Variants in CALD1 observed in about 807,000 individuals in gnomAD.
The protein encoded by CALD1 is caldesmon.
In CALD1, 33 loss-of-function variants were observed where a neutral mutation model predicts 99.9. That is an observed-to-expected ratio of 0.33 (90% confidence interval 0.25 to 0.44). The LOEUF is 0.44. CALD1 is among the 20% of genes least tolerant of loss of function. CALD1 has a pLI of 1.00. For missense variants in CALD1, 861 were observed against 962.1 expected (o/e 0.89, Z 1.39); for synonymous variants, 310 against 325.0 (o/e 0.95, Z 0.50).
At chr7:134,900,729 A>G (rs1469521349) in intron 3 of CALD1, among the ~76,000 whole-genome samples, 1 of 152,124 alleles carries the variant, frequency 6.6e-6, no homozygotes, top group African/African-American at 2.4e-5. Flanking sequence ...TCTGTCTTAT[A>G]GGTGAAAATG....
intron 3 of CALD1, among the ~76,000 whole-genome samples, chr7:134,872,348 A>C (rs62479550): frequency 0.34 from 44,740 of 131,746 alleles, 7,724 homozygotes; most frequent in African/African-American, 0.53. Context: ...ACGGAGTGAG[A>C]CTCGGTCTCA....
the CALD1 span, among the ~76,000 whole-genome samples, chr7:134,735,563 C>CTGTGTGTG: frequency 3.9e-3 from 536 of 138,226 alleles, 1 homozygote; most frequent in East Asian, 0.015. Context: ...CCCCACTACC[C>CTGTGTGTG]TCTGTGTGTG....
chr7:134,835,712 G>A (rs1220643169), intron 1 of CALD1, among the ~76,000 whole-genome samples: 3 of 152,038 alleles, frequency 2.0e-5, no homozygotes, highest in Admixed American at 6.5e-5. Flanking sequence ...TGTGAATATC[G>A]AAAATTTCTA....
intron 3 of CALD1, among the ~76,000 whole-genome samples, chr7:134,908,926 A>C (rs1803594772): frequency 6.6e-6 from 1 of 152,124 alleles, no homozygotes; most frequent in African/African-American, 2.4e-5. Context: ...ACCAAAATCA[A>C]CTTCTAGACA....
intron 1 of CALD1, among the ~76,000 whole-genome samples, chr7:134,753,141 C>A (rs62462515): frequency 0.13 from 19,262 of 151,650 alleles, 1,511 homozygotes; most frequent in Non-Finnish European, 0.17. Context: ...ATCTGCTGGG[C>A]CTTGGGGTGG....
chr7:134,830,913 A>T (rs1242316038), intron 1 of CALD1, among the ~76,000 whole-genome samples: 1 of 152,236 alleles, frequency 6.6e-6, no homozygotes, highest in African/African-American at 2.4e-5. Flanking sequence ...GAGTTCACAG[A>T]AAGAAAATTA....
At chr7:134,774,069 G>T (rs1435384625) in intron 1 of CALD1, among the ~76,000 whole-genome samples, 1 of 151,862 alleles carries the variant, frequency 6.6e-6, no homozygotes, top group African/African-American at 2.4e-5. Flanking sequence ...ACTTGGGAGG[G>T]TGAGGCAGGA....
chr7:134,714,348 C>A, the CALD1 span, among the ~76,000 whole-genome samples: 1 of 152,186 alleles, frequency 6.6e-6, no homozygotes, highest in African/African-American at 2.4e-5. Flanking sequence ...GTAGATAGAT[C>A]CCATGCTCCT....
intron 13 of CALD1, among the ~76,000 whole-genome samples, chr7:134,963,418 A>G (rs939954368): frequency 6.6e-6 from 1 of 152,176 alleles, no homozygotes; most frequent in Non-Finnish European, 1.5e-5. Context: ...TTAACTGTGC[A>G]TTTTCAGTGT....
At chr7:134,778,999 G>A (rs1020258205), upstream of CALD1, among the ~76,000 whole-genome samples, 7 of 152,298 alleles carry the variant, frequency 4.6e-5, no homozygotes, top group Middle Eastern at 3.4e-3. Context: ...ACATGCAGAC[G>A]TATTTTGGGG....
chr7:134,940,598 C>T (rs892571948), intron 6 of CALD1, among the ~76,000 whole-genome samples: 15 of 152,316 alleles, frequency 9.8e-5, no homozygotes, highest in African/African-American at 2.2e-4. Context: ...TACTGGTCTT[C>T]GCCAGAGTTG....
At chr7:134,801,014 T>A (rs972045813) in intron 1 of CALD1, among the ~76,000 whole-genome samples, 10 of 152,104 alleles carry the variant, frequency 6.6e-5, no homozygotes, top group African/African-American at 2.2e-4. Context: ...CTACCCTATA[T>A]TTTCTGATTT....
At chr7:134,798,868 G>A (rs1797844463) in intron 1 of CALD1, among the ~76,000 whole-genome samples, 1 of 152,164 alleles carries the variant, frequency 6.6e-6, no homozygotes, top group African/African-American at 2.4e-5. Flanking sequence ...GGCACCTTAT[G>A]GTGGAAAGGC....
At chr7:134,912,464 G>GA in intron 3 of CALD1, among the ~76,000 whole-genome samples, 1 of 152,288 alleles carries the variant, frequency 6.6e-6, no homozygotes, top group Non-Finnish European at 1.5e-5. Flanking sequence ...CTTACACACG[G>GA]AGAGGACACT....
At chr7:134,875,206 T>A (rs1801290953) in intron 3 of CALD1, among the ~76,000 whole-genome samples, 1 of 152,230 alleles carries the variant, frequency 6.6e-6, no homozygotes, top group Non-Finnish European at 1.5e-5. Context: ...TCTACTTTTA[T>A]TTTTTATTTT....
intron 7 of CALD1, among the ~76,000 whole-genome samples, chr7:134,942,279 A>G (rs1460441484): frequency 1.3e-5 from 2 of 152,220 alleles, no homozygotes; most frequent in Non-Finnish European, 2.9e-5. Flanking sequence ...CATGCTCCTC[A>G]CACCAAAGCC....
At chr7:134,916,102 C>G (rs1456635178) in intron 3 of CALD1, among the ~76,000 whole-genome samples, 1 of 152,190 alleles carries the variant, frequency 6.6e-6, no homozygotes, top group East Asian at 1.9e-4. Flanking sequence ...TGTCTTTTTA[C>G]TTTCTGCCAC....
intron 2 of CALD1, among the ~76,000 whole-genome samples, chr7:134,864,155 C>A (rs1428250071): frequency 6.6e-6 from 1 of 152,092 alleles, no homozygotes; most frequent in South Asian, 2.1e-4. Flanking sequence ...TAGAGACCAG[C>A]CTGGCCAACA....
At chr7:134,807,299 A>G (rs1329666131) in intron 1 of CALD1, among the ~76,000 whole-genome samples, 1 of 152,202 alleles carries the variant, frequency 6.6e-6, no homozygotes, top group Non-Finnish European at 1.5e-5. Flanking sequence ...CCATGATACC[A>G]TGACTGGTTT....
Sources: gnomAD v4.1 joint callset for allele counts (sites outside exome capture counted in the v4.1 genomes callset) on GRCh38, gnomAD v4.1.1 for gene constraint, MANE v1.5 for transcripts, NCBI Gene and HGNC (gene_info 2026-07-23, HGNC 2026-07-21) for gene names.